The following DNAH14 variants were observed in gnomAD, a reference collection of about 807,000 sequenced individuals.
DNAH14 encodes the protein axonemal beta dynein heavy chain 14.
In DNAH14, 478 loss-of-function variants were observed where a neutral mutation model predicts 520.9. That is an observed-to-expected ratio of 0.92 (90% CI 0.85 to 0.99). The LOEUF (loss-of-function observed/expected upper bound fraction) is 0.99. DNAH14 is among the 50% of genes least tolerant of loss of function. The pLI is 0.00. For synonymous variants in DNAH14, 1,581 were observed against 1,757.2 expected (o/e 0.90, Z 2.51); for missense variants, 4,831 against 5,234.5 (o/e 0.92, Z 2.38).
chr1:225,284,231 C>CA (rs2093688585), intron 54 of DNAH14, among the ~76,000 whole-genome samples: 1 of 151,320 alleles, frequency 6.6e-6, no homozygotes, highest in Non-Finnish European at 1.5e-5. Flanking sequence ...AAAAGATCAA[C>CA]AAAATTGACA....
rs541298238 is a variant in DNAH14 at position 225,363,634 on chromosome 1, A to C, written c.11988-1158A>C. 2.0e-5 allele frequency among the ~76,000 whole-genome samples: 3 copies of C among 152,308 alleles called. No individual in the cohort carries two copies. The South Asian group carries it at 6.2e-4, about 32-fold the overall frequency. On this transcript the variant is annotated intron_variant, in intron 75 of 85. Transcript: ENST00000682510. The stretch of plus-strand genomic sequence containing the variant: ...TAGTTACAGTGGTCCCTGACTATCC[A>C]CAGGGGATTGGTTCCAGGACCCCCT...
chr1:225,385,961 G>A lies in DNAH14; in HGVS notation c.13078-2418G>A, dbSNP rs559228370. 7.4e-4 allele frequency among the ~76,000 whole-genome samples: 113 copies of A among 152,198 alleles called. 1 individual carries two copies. In the East Asian group the frequency reaches 0.02, roughly 28 times the overall value. On this transcript the variant is annotated intron_variant, in intron 81 of 85. Coordinates refer to ENST00000682510, the MANE Select transcript of DNAH14 (RefSeq NM_001367479.1). Reference sequence around the variant, plus strand: ...AAAAGAACAAAGCTGGAGGCATCACGCTACCTGACTTCAAACTATGCTACA... The same window carrying A: ...AAAAGAACAAAGCTGGAGGCATCACACTACCTGACTTCAAACTATGCTACA...
At chr1:225,008,607 A>G (rs968934756) in intron 10 of DNAH14, among the ~76,000 whole-genome samples, 16 of 46,504 alleles carry the variant, frequency 3.4e-4, no homozygotes, top group Non-Finnish European at 6.6e-4. Context: ...TTGTATTTTT[A>G]GTAGAGACAG....
At chr1:225,308,454 A>G in intron 60 of DNAH14, 44 bp downstream of exon 60, 3 of 1,495,778 alleles carry the variant, frequency 2.0e-6, no homozygotes, top group Non-Finnish European at 2.7e-6. Flanking sequence ...GGAGATTTGA[A>G]AAAGTATTCC....
intron 64 of DNAH14, among the ~76,000 whole-genome samples, chr1:225,328,745 T>C (rs1316889367): frequency 6.6e-6 from 1 of 152,120 alleles, no homozygotes; most frequent in African/African-American, 2.4e-5. Flanking sequence ...TTCATATGTT[T>C]AAGTTAATCA....
chr1:225,046,478 T>C (rs1558778673), intron 15 of DNAH14, among the ~76,000 whole-genome samples: 1 of 152,188 alleles, frequency 6.6e-6, no homozygotes, highest in Non-Finnish European at 1.5e-5. Flanking sequence ...ATCTGGCGTA[T>C]GTTGTGAAGT....
rs140879210 is a variant in DNAH14 at position 225,196,260 on chromosome 1, G to A, written c.5886+3349G>A. On this transcript the variant is annotated intron_variant, in intron 38 of 85. Transcript: ENST00000682510. ...GCTTAGCTCCCCCTTATAAGTGAGA[G>A]CGTATGATGTTTGGTTTTCCATTAC... Among the ~76,000 whole-genome samples the A allele has an allele frequency of 1.1e-3, 161 of 152,152 alleles. 1 individual carries two copies. The highest frequency in any genetic ancestry group is 3.8e-3 in the African/African-American group (157 of 41,526).
intron 46 of DNAH14, among the ~76,000 whole-genome samples, chr1:225,262,410 C>A (rs1166493580): frequency 6.6e-6 from 1 of 151,962 alleles, no homozygotes; most frequent in African/African-American, 2.4e-5. Context: ...ATCATAAATT[C>A]TTTGCCTAGG....
At chr1:225,309,626 G>A (rs373444568) in intron 60 of DNAH14, among the ~76,000 whole-genome samples, 1 of 152,160 alleles carries the variant, frequency 6.6e-6, no homozygotes, top group Admixed American at 6.6e-5. Context: ...CGAGCGGGGT[G>A]GCTTATGCCT....
intron 37 of DNAH14, among the ~76,000 whole-genome samples, chr1:225,191,339 A>G (rs2085409876): frequency 6.6e-6 from 1 of 151,988 alleles, no homozygotes; most frequent in African/African-American, 2.4e-5. Flanking sequence ...GTTTTGCTGC[A>G]TATAGAATTC....
intron 11 of DNAH14, among the ~76,000 whole-genome samples, chr1:225,030,483 C>T (rs2066445336): frequency 6.6e-6 from 1 of 151,730 alleles, no homozygotes; most frequent in Non-Finnish European, 1.5e-5. Flanking sequence ...TGAATTTTTC[C>T]AATATTTTCT....
In DNAH14 at chr1:225,100,693, A is replaced by G. The variant is rs2075373494; in HGVS notation, c.3696-20A>G. ...AGTGCCTTAAAAAAAATAAAATGAC[A>G]TCTAATTTTTTTTCTAAAGGCAACT... On this transcript the variant is annotated intron_variant, in intron 22 of 85. Coordinates refer to ENST00000682510, the MANE Select transcript of DNAH14 (RefSeq NM_001367479.1). 1 of 1,467,604 alleles carries G rather than the reference A, an allele frequency of 6.8e-7. No homozygotes were observed. The highest frequency in any genetic ancestry group is 9.0e-7 in the Non-Finnish European group (1 of 1,113,422). The allele number at this position is 1,467,604 out of a possible 1,614,324, so 90.9% of individuals were successfully genotyped here.
In DNAH14 at chr1:225,322,651, T is replaced by C; in HGVS notation, c.9336-13T>C. 1.4e-6 allele frequency: 2 copies of C among 1,437,050 alleles called. No homozygotes were observed. The allele number at this position is 1,437,050 out of a possible 1,614,324, so 89.0% of individuals were successfully genotyped here. On this transcript the variant is annotated splice_polypyrimidine_tract_variant and intron_variant, in intron 61 of 85. Transcript: ENST00000682510. ...AATTGTGAAGTTGATGAGATTTTCA[T>C]CATCTATTACAGAGTATACACACGG...
chr1:225,104,171 A>G (rs1270465308), intron 23 of DNAH14, among the ~76,000 whole-genome samples: 2 of 152,134 alleles, frequency 1.3e-5, no homozygotes, highest in African/African-American at 2.4e-5. Context: ...CGTTCTGTTT[A>G]TATGCTGGAT....
At chr1:225,385,592 AAC>A (rs2095831808) in intron 81 of DNAH14, among the ~76,000 whole-genome samples, 1 of 152,122 alleles carries the variant, frequency 6.6e-6, no homozygotes, top group Admixed American at 6.6e-5. Flanking sequence ...ATAACAGACA[AAC>A]AGAGAGCCAA....
In DNAH14 at chr1:225,153,673, C is replaced by A. The variant is rs182261026; in HGVS notation, c.5197-77C>A. The A allele has an allele frequency of 3.9e-6, 4 of 1,025,230 alleles. No homozygotes were observed. The South Asian group carries it at 4.6e-5, about 12-fold the overall frequency. The allele number at this position is 1,025,230 out of a possible 1,614,324, so 63.5% of individuals were successfully genotyped here. ...CAGAGCATAGATTACCTGTAATTTA[C>A]CTATATACTGTGTGCATTTGTTTTC... On this transcript the variant is annotated intron_variant, in intron 33 of 85. Coordinates refer to ENST00000682510, the MANE Select transcript of DNAH14 (RefSeq NM_001367479.1).
At chr1:225,008,982 A>T (rs572949967) in intron 10 of DNAH14, among the ~76,000 whole-genome samples, 1 of 152,100 alleles carries the variant, frequency 6.6e-6, no homozygotes, top group East Asian at 1.9e-4. Context: ...AAATTTGTTT[A>T]AGTTCTTTGT....
chr1:225,041,550 C>T (rs1311083574), intron 12 of DNAH14, among the ~76,000 whole-genome samples: 2 of 152,206 alleles, frequency 1.3e-5, no homozygotes, highest in African/African-American at 4.8e-5. Context: ...GAACTTCAGC[C>T]TTACCACATG....
At chr1:225,225,742 A>G (rs1447921546) in intron 41 of DNAH14, among the ~76,000 whole-genome samples, 2 of 152,208 alleles carry the variant, frequency 1.3e-5, no homozygotes, top group African/African-American at 2.4e-5. Context: ...TGTAAATATT[A>G]ATGTATGGTG....
Sources: allele counts gnomAD v4.1 joint callset (sites outside exome capture counted in the v4.1 genomes callset), GRCh38; gene constraint gnomAD v4.1.1; transcripts MANE v1.5; gene names NCBI Gene and HGNC (gene_info 2026-07-23, HGNC 2026-07-21).